PCDHA11: variants seen among roughly 807,000 people sequenced by gnomAD.
PCDHA11 encodes the protein protocadherin alpha 11, also known as protocadherin alpha-11.
PCDHA11 carries 61 observed loss-of-function variants against 70.3 expected under a neutral mutation model. The observed-to-expected ratio is 0.87, with a 90% CI of 0.71 to 1.07. The LOEUF is 1.07. Ranked by LOEUF, PCDHA11 falls within the 50% of genes least tolerant of loss-of-function variation. PCDHA11 has a pLI of 0.00. For synonymous variants in PCDHA11, 633 were observed against 555.1 expected, an observed-to-expected ratio of 1.14 and a Z score of -1.97; for missense variants, 1,324 against 1,237.5, an observed-to-expected ratio of 1.07 and a Z score of -1.05.
chr5:140,912,497 T>A (rs2075943539), intron 1 of PCDHA11, among the ~76,000 whole-genome samples: 1 of 152,174 alleles, frequency 6.6e-6, no homozygotes. Context: ...ATCTAGGAGC[T>A]TTTTGGATGA....
chr5:140,920,570 G>A (rs2153557888), intron 1 of PCDHA11, among the ~76,000 whole-genome samples: 1 of 152,186 alleles, frequency 6.6e-6, no homozygotes, highest in Non-Finnish European at 1.5e-5. Flanking sequence ...CTTAGGCCAG[G>A]AGCAGTGGCT....
intron 1 of PCDHA11, among the ~76,000 whole-genome samples, chr5:140,977,977 C>T (rs193229659): frequency 2.0e-5 from 3 of 152,222 alleles, no homozygotes; most frequent in South Asian, 2.1e-4. Context: ...CCCATGAAAA[C>T]GCATCTAGAG....
intron 3 of PCDHA11, among the ~76,000 whole-genome samples, chr5:140,997,706 A>G (rs1387378770): frequency 3.3e-5 from 5 of 151,686 alleles, no homozygotes; most frequent in African/African-American, 1.2e-4. Flanking sequence ...GTATGTTAAC[A>G]AACACCTTTC....
At chr5:140,883,333 G>T (rs1554177722) in intron 1 of PCDHA11, 1 of 1,614,066 alleles carries the variant, frequency 6.2e-7, no homozygotes, top group Non-Finnish European at 8.5e-7. Flanking sequence ...TCACTTCTTT[G>T]TCACTCCCCA....
chr5:140,874,772 T>C (rs2055099588), intron 1 of PCDHA11, among the ~76,000 whole-genome samples: 1 of 152,270 alleles, frequency 6.6e-6, no homozygotes, highest in South Asian at 2.1e-4. Flanking sequence ...TCCATATTTA[T>C]GATGAATTCT....
Position 141,007,401 on chromosome 5 carries a change from A to G in PCDHA11, c.2540-2226A>G, listed in dbSNP as rs981008239. On this transcript the variant is annotated intron_variant, in intron 3 of 3. Coordinates refer to ENST00000398640, the MANE Select transcript of PCDHA11 (RefSeq NM_018902.5). Reference sequence around the variant, plus strand: ...CACCATCTCTACTAAAATACAAAAAAAAAAAAAAAAAAAAAAATTAGCCAG... The same window carrying G: ...CACCATCTCTACTAAAATACAAAAAGAAAAAAAAAAAAAAAAATTAGCCAG... Among the ~76,000 whole-genome samples the G allele has an allele frequency of 7.4e-4, 110 of 149,582 alleles. 1 individual carries two copies. Among genetic ancestry groups the G allele is most frequent in the Non-Finnish European group, 9.7e-4 (65 of 67,302 alleles).
intron 1 of PCDHA11, chr5:140,968,445 G>C (rs782157846): frequency 1.2e-6 from 2 of 1,613,954 alleles, no homozygotes; most frequent in African/African-American, 2.7e-5. Context: ...CCACCACTGA[G>C]CAGCACTGTG....
intron 1 of PCDHA11, among the ~76,000 whole-genome samples, chr5:140,950,786 T>A (rs890329662): frequency 6.6e-6 from 1 of 152,140 alleles, no homozygotes; most frequent in Non-Finnish European, 1.5e-5. Context: ...TGGTACTTTT[T>A]AAATATTGTC....
chr5:140,925,033 C>G (rs1176042899), intron 1 of PCDHA11, among the ~76,000 whole-genome samples: 1 of 151,334 alleles, frequency 6.6e-6, no homozygotes, highest in Non-Finnish European at 1.5e-5. Flanking sequence ...ATCGCTTGAG[C>G]CCAGAAGTTT....
intron 1 of PCDHA11, chr5:140,968,425 C>T (rs1195446919): frequency 6.2e-7 from 1 of 1,613,832 alleles, no homozygotes; most frequent in Non-Finnish European, 8.5e-7. Flanking sequence ...AGGCTCAGGA[C>T]AAGGGGAGCC....
chr5:140,884,101 G>T lies in PCDHA11; in HGVS notation c.2391+12607G>T, dbSNP rs782222820. 6 of 1,613,486 alleles carry T rather than the reference G, an allele frequency of 3.7e-6. No individual in the cohort carries two copies. The highest frequency in any genetic ancestry group is 3.3e-4 in the Middle Eastern group (2 of 6,042). On this transcript the variant is annotated intron_variant, in intron 1 of 3. Coordinates refer to ENST00000398640, the MANE Select transcript of PCDHA11 (RefSeq NM_018902.5). ...ACAATGCGTGGCTTTCGTATGAATT[G>T]CAGCTGGCGGCGGTCGGCGCGCGCA...
At chr5:140,877,143 C>G (rs782522652) in intron 1 of PCDHA11, 2 of 1,613,668 alleles carry the variant, frequency 1.2e-6, no homozygotes, top group African/African-American at 2.7e-5. Context: ...TCGTGCTGGA[C>G]GAGAACGACA....
chr5:140,970,078 A>G (rs1260486106), intron 1 of PCDHA11, among the ~76,000 whole-genome samples: 2 of 152,124 alleles, frequency 1.3e-5, no homozygotes, highest in African/African-American at 4.8e-5. Context: ...TGAGTGGATT[A>G]GGGGTGTGGG....
chr5:140,890,238 C>T (rs2062554718), intron 1 of PCDHA11, among the ~76,000 whole-genome samples: 1 of 152,034 alleles, frequency 6.6e-6, no homozygotes, highest in African/African-American at 2.4e-5. Flanking sequence ...TAAGCATTTA[C>T]CAGTACACTA....
At chr5:141,005,220 C>T (rs2098201724) in intron 3 of PCDHA11, among the ~76,000 whole-genome samples, 1 of 152,192 alleles carries the variant, frequency 6.6e-6, no homozygotes, top group Admixed American at 6.5e-5. Flanking sequence ...CAAGTATTTA[C>T]TAAACACCTG....
At position 140,927,110 on chromosome 5, in the gene PCDHA11, G is replaced by T; in HGVS notation, c.2392-51839G>T. The T allele has an allele frequency of 3.7e-6, 6 of 1,613,752 alleles. No individual in the cohort carries two copies. The Middle Eastern group carries it at 8.3e-4, about 222-fold the overall frequency. On this transcript the variant is annotated intron_variant, in intron 1 of 3. Transcript: ENST00000398640. ...TACTTCGGGGTGGATCTACCCAGCG[G>T]CAATTTGGTGGTCAGAGAGCCGGCG...
chr5:140,964,939 T>C (rs1230992301), intron 1 of PCDHA11, among the ~76,000 whole-genome samples: 1 of 152,182 alleles, frequency 6.6e-6, no homozygotes, highest in Non-Finnish European at 1.5e-5. Flanking sequence ...GGAGCATTGA[T>C]AGTGAGTGTG....
intron 1 of PCDHA11, among the ~76,000 whole-genome samples, chr5:140,904,463 AT>A (rs2071154368): frequency 6.6e-6 from 1 of 151,520 alleles, no homozygotes; most frequent in Non-Finnish European, 1.5e-5. Flanking sequence ...ACACTTGTTG[AT>A]TGGTGGCTAT....
chr5:140,910,858 T>C (rs947258615), intron 1 of PCDHA11, among the ~76,000 whole-genome samples: 3 of 152,190 alleles, frequency 2.0e-5, no homozygotes, highest in Non-Finnish European at 4.4e-5. Context: ...CTATGTTCCA[T>C]CCACCATTAT....
Sources: allele counts gnomAD v4.1 joint callset (sites outside exome capture counted in the v4.1 genomes callset), GRCh38; gene constraint gnomAD v4.1.1; transcripts MANE v1.5; gene names NCBI Gene and HGNC (gene_info 2026-07-23, HGNC 2026-07-21).